PIP4K2A: variants seen among roughly 807,000 people sequenced by gnomAD.
PIP4K2A encodes phosphatidylinositol 5-phosphate 4-kinase type-2 alpha.
A neutral mutation model predicts 42.9 loss-of-function variants in PIP4K2A; 14 were observed. The ratio of observed to expected loss-of-function variants is 0.33; its 90% CI spans 0.22 to 0.51. The LOEUF is 0.51. Among genes scored for constraint, PIP4K2A ranks in the 20% least tolerant of loss-of-function variants. PIP4K2A has a pLI of 0.97. For synonymous variants in PIP4K2A, 192 were observed against 192.2 expected (o/e 1.00, Z 0.01); for missense variants, 434 against 519.8 (o/e 0.83, Z 1.61).
At chr10:22,633,280 A>G (rs1838592036) in intron 1 of PIP4K2A, among the ~76,000 whole-genome samples, 1 of 152,242 alleles carries the variant, frequency 6.6e-6, no homozygotes. Flanking sequence ...ATTTTTTAAA[A>G]GAAAAAGAAA....
chr10:22,658,865 G>A (rs575652328), intron 1 of PIP4K2A, among the ~76,000 whole-genome samples: 3 of 152,286 alleles, frequency 2.0e-5, no homozygotes, highest in Non-Finnish European at 2.9e-5. Flanking sequence ...TAACTCACCC[G>A]AGGTCACAAG....
At chr10:22,650,804 T>C (rs1490069702) in intron 1 of PIP4K2A, among the ~76,000 whole-genome samples, 1 of 151,458 alleles carries the variant, frequency 6.6e-6, no homozygotes, top group African/African-American at 2.4e-5. Flanking sequence ...CTAAACTAGA[T>C]GGAGAGTTTC....
At chr10:22,685,615 T>C (rs925268308) in intron 1 of PIP4K2A, among the ~76,000 whole-genome samples, 1 of 152,096 alleles carries the variant, frequency 6.6e-6, no homozygotes, top group African/African-American at 2.4e-5. Context: ...CCAGGGGGGC[T>C]AAGGCTGATG....
chr10:22,584,071 T>C (rs1837337752), intron 4 of PIP4K2A, among the ~76,000 whole-genome samples: 1 of 152,234 alleles, frequency 6.6e-6, no homozygotes, highest in Non-Finnish European at 1.5e-5. Flanking sequence ...CCAAACTGTG[T>C]CATCATCTGG....
At position 22,550,723 on chromosome 10, in the gene PIP4K2A, T is replaced by A. The variant is rs1323848250; in HGVS notation, c.728A>T (p.Gln243Leu). 1 of 1,609,044 alleles carries A rather than the reference T, an allele frequency of 6.2e-7. No homozygotes were observed. The highest frequency in any genetic ancestry group is 2.2e-5 in the East Asian group (1 of 44,854). ...LKDNDFINEG[Q>L]KIYIDDNNKK... Reference sequence around the variant, plus strand: ...GTTGTTGTCATCAATATAAATCTTTTGGCCCTCATTAATGAAATCATTATC... The same window carrying A: ...GTTGTTGTCATCAATATAAATCTTTAGGCCCTCATTAATGAAATCATTATC... The change falls in exon 7 of 10, where the codon CAA becomes CTA. Residue 243 changes from glutamine (Q) to leucine (L), a missense_variant. Gln to Leu is a moderately radical substitution (Grantham distance 113). Around this residue, in one of 2 missense-constraint regions of PIP4K2A, gnomAD observed 395 missense variants for 444.5 expected, o/e 0.89. Coordinates refer to ENST00000376573, the MANE Select transcript of PIP4K2A (RefSeq NM_005028.5).
At chr10:22,593,941 T>C (rs1837567855) in intron 3 of PIP4K2A, among the ~76,000 whole-genome samples, 1 of 152,240 alleles carries the variant, frequency 6.6e-6, no homozygotes, top group South Asian at 2.1e-4. Flanking sequence ...CGTTTTCTTA[T>C]GCACATTAGA....
At chr10:22,641,065 A>G (rs1306288557) in intron 1 of PIP4K2A, among the ~76,000 whole-genome samples, 2 of 152,362 alleles carry the variant, frequency 1.3e-5, no homozygotes, top group Non-Finnish European at 2.9e-5. Context: ...CTTGTGTAGC[A>G]GCAGTATTTT....
At chr10:22,574,137 C>T (rs1837055324) in intron 4 of PIP4K2A, among the ~76,000 whole-genome samples, 1 of 152,070 alleles carries the variant, frequency 6.6e-6, no homozygotes, top group Admixed American at 6.5e-5. Flanking sequence ...TTTTTCATGA[C>T]CAAACTCCAG....
chr10:22,642,758 G>A lies in PIP4K2A; in HGVS notation c.145-33041C>T, dbSNP rs529873359. ...TTCACATGAAAAGATCTAGGGCTTGGAAAAGACCAACAAAGTCTCTGTGGT... is the reference window on the plus strand; with the variant it reads ...TTCACATGAAAAGATCTAGGGCTTGAAAAAGACCAACAAAGTCTCTGTGGT... On this transcript the variant is annotated intron_variant, in intron 1 of 9. Coordinates refer to ENST00000376573, the MANE Select transcript of PIP4K2A (RefSeq NM_005028.5). Among the ~76,000 whole-genome samples, 272 of 152,086 alleles carry A rather than the reference G, an allele frequency of 1.8e-3. 1 individual carries two copies. The highest frequency in any genetic ancestry group is 3.0e-3 in the Non-Finnish European group (204 of 67,988).
At chr10:22,641,882 A>G (rs1838789499) in intron 1 of PIP4K2A, 1 of 152,166 alleles carries the variant, frequency 6.6e-6, no homozygotes, top group Non-Finnish European at 1.5e-5. Context: ...TCTGGCCATC[A>G]CAGGGTTCTC....
chr10:22,611,970 C>A (rs764992815), intron 1 of PIP4K2A, among the ~76,000 whole-genome samples: 8 of 152,156 alleles, frequency 5.3e-5, no homozygotes, highest in Non-Finnish European at 1.0e-4. Context: ...CCTCAGGCTG[C>A]TTAAATCAGT....
intron 8 of PIP4K2A, among the ~76,000 whole-genome samples, chr10:22,540,364 CTT>C (rs199836038): frequency 6.3e-5 from 9 of 143,864 alleles, no homozygotes; most frequent in African/African-American, 7.6e-5. Flanking sequence ...GGAACGGAGT[CTT>C]TTTTTTTTTT....
rs182782922 is a variant in PIP4K2A, at chr10:22,651,226, G to T, written c.145-41509C>A. Among the ~76,000 whole-genome samples, 267 of 152,224 alleles carry T rather than the reference G, an allele frequency of 1.8e-3. 1 individual carries two copies. The highest frequency in any genetic ancestry group is 6.3e-3 in the African/African-American group (260 of 41,540). On this transcript the variant is annotated intron_variant, in intron 1 of 9. Coordinates refer to ENST00000376573, the MANE Select transcript of PIP4K2A (RefSeq NM_005028.5). ...CTGTCCACCAAGCAGACCCTTAACT[G>T]GTCTCCTGCCTTTCACTCTGTCCCT...
chr10:22,711,564 CAAACACTGATGCCA>C (rs1233813536), intron 1 of PIP4K2A, among the ~76,000 whole-genome samples: 1 of 152,198 alleles, frequency 6.6e-6, no homozygotes, highest in African/African-American at 2.4e-5. Flanking sequence ...TTCACAGATG[CAAACACTGATGCCA>C]AAACCTGACC....
intron 7 of PIP4K2A, among the ~76,000 whole-genome samples, chr10:22,547,168 A>C (rs1836276549): frequency 6.6e-6 from 1 of 152,200 alleles, no homozygotes; most frequent in Non-Finnish European, 1.5e-5. Context: ...ACCGTGTTCT[A>C]CCACATCACC....
At chr10:22,604,436 G>A (rs1162911000) in intron 3 of PIP4K2A, among the ~76,000 whole-genome samples, 1 of 151,864 alleles carries the variant, frequency 6.6e-6, no homozygotes, top group Non-Finnish European at 1.5e-5. Context: ...GGAAAGGTCT[G>A]AATACGAGAT....
chr10:22,690,997 A>C (rs1358831852), intron 1 of PIP4K2A, among the ~76,000 whole-genome samples: 3 of 152,126 alleles, frequency 2.0e-5, no homozygotes, highest in Non-Finnish European at 2.9e-5. Flanking sequence ...AGAAAAAAGG[A>C]TTTGGTCCCC....
Position 22,709,707 on chromosome 10 carries a change from T to C in PIP4K2A, c.144+4476A>G, listed in dbSNP as rs147208931. On this transcript the variant is annotated intron_variant, in intron 1 of 9. Transcript: ENST00000376573. ...ACACTAAGTACTAAGTATAAATACT[T>C]AGAGTTCACTCTAAAGTATCTGACA... Among the ~76,000 whole-genome samples, 447 of 152,288 alleles carry C rather than the reference T, an allele frequency of 2.9e-3. 2 individuals carry two copies. The highest frequency in any genetic ancestry group is 0.01 in the African/African-American group (428 of 41,562).
At chr10:22,600,612 A>C (rs1488631598) in intron 3 of PIP4K2A, among the ~76,000 whole-genome samples, 2 of 152,186 alleles carry the variant, frequency 1.3e-5, no homozygotes, top group Non-Finnish European at 2.9e-5. Context: ...GAAATCTGGA[A>C]ACCAATCACT....
Sources: gnomAD v4.1 joint callset for allele counts (sites outside exome capture counted in the v4.1 genomes callset) on GRCh38, gnomAD v4.1.1 for gene constraint, gnomAD v4.1.1 regional missense constraint, MANE v1.5 for transcripts, NCBI Gene and HGNC (gene_info 2026-07-23, HGNC 2026-07-21) for gene names.